CAST: variants seen among roughly 807,000 people sequenced by gnomAD.
CAST encodes MIR583 host.
CAST carries 76 observed loss-of-function variants against 119.6 expected under a neutral mutation model. The observed-to-expected ratio is 0.64, with a 90% confidence interval of 0.53 to 0.77. The LOEUF is 0.77. Among genes scored for constraint, CAST ranks in the 30% least tolerant of loss-of-function variants. The pLI, the probability that CAST is intolerant of heterozygous loss-of-function variation, is 0.00. For synonymous variants in CAST, 319 were observed against 331.6 expected (o/e 0.96, Z 0.41); for missense variants, 953 against 946.5 (o/e 1.01, Z -0.09).
chr5:96,729,601 T>C lies in CAST; in HGVS notation c.436-11T>C. The C allele has an allele frequency of 8.6e-7, 1 of 1,164,304 alleles. No individual in the cohort carries two copies. The highest frequency in any genetic ancestry group is 1.3e-6 in the Non-Finnish European group (1 of 770,072). The allele number at this position is 1,164,304 out of a possible 1,614,324, so 72.1% of individuals were successfully genotyped here. A position where few individuals can be genotyped will look rare whatever the true frequency, so the allele number is the denominator to read the frequency against. ...TTATATGTGTGTGGGCACCTGTGTGTGTACTTTCAGCCAAAAAGCCTACCC... is the reference window on the plus strand; with the variant it reads ...TTATATGTGTGTGGGCACCTGTGTGCGTACTTTCAGCCAAAAAGCCTACCC... On this transcript the variant is annotated splice_polypyrimidine_tract_variant and intron_variant, in intron 7 of 31. Coordinates refer to ENST00000675179, the MANE Select transcript of CAST (RefSeq NM_001750.7).
the CAST span, among the ~76,000 whole-genome samples, chr5:95,990,892 C>T: frequency 2.0e-5 from 3 of 152,050 alleles, no homozygotes; most frequent in Admixed American, 6.6e-5. Flanking sequence ...GTGTGAGCCA[C>T]CACACCGAGC....
chr5:96,397,368 T>C, the CAST span: 2 of 1,612,680 alleles, frequency 1.2e-6, no homozygotes, highest in South Asian at 2.2e-5. Context: ...CAAGTACCTA[T>C]AGGGTTCTCT....
the CAST span, among the ~76,000 whole-genome samples, chr5:96,077,518 C>T: frequency 6.6e-6 from 1 of 151,998 alleles, no homozygotes; most frequent in Non-Finnish European, 1.5e-5. Context: ...TTTGATCCAC[C>T]CAAACTTCAT....
At chr5:95,965,628 T>G in the CAST span, among the ~76,000 whole-genome samples, 1 of 152,216 alleles carries the variant, frequency 6.6e-6, no homozygotes, top group Non-Finnish European at 1.5e-5. Context: ...TCTTCCCCAG[T>G]GCTGCTTGCT....
At chr5:96,022,451 G>C in the CAST span, among the ~76,000 whole-genome samples, 1 of 152,210 alleles carries the variant, frequency 6.6e-6, no homozygotes, top group Admixed American at 6.5e-5. Flanking sequence ...ACCTAGTGCA[G>C]TGATCTACCA....
chr5:96,219,735 GGGAA>G, the CAST span, among the ~76,000 whole-genome samples: 1 of 150,998 alleles, frequency 6.6e-6, no homozygotes, highest in Admixed American at 6.6e-5. Context: ...AAGCAAGAAA[GGGAA>G]GGAAGGAAGG....
At chr5:96,168,504 G>A in the CAST span, among the ~76,000 whole-genome samples, 3 of 152,290 alleles carry the variant, frequency 2.0e-5, no homozygotes, top group East Asian at 5.8e-4. Flanking sequence ...CTTGAGTTGA[G>A]GCAATGAGTT....
At chr5:96,642,664 C>G (rs1358604134) in intron 1 of CAST, among the ~76,000 whole-genome samples, 3 of 151,704 alleles carry the variant, frequency 2.0e-5, no homozygotes. Flanking sequence ...GCTTCAGCCT[C>G]CCAGGTAGCT....
chr5:96,741,109 T>C, intron 13 of CAST, 157 bp from the exon 14 acceptor site: 1 of 609,458 alleles, frequency 1.6e-6, no homozygotes, highest in South Asian at 2.0e-5. Context: ...AGCCACTCTC[T>C]TCAAAACATA....
At position 96,755,860 on chromosome 5, in the gene CAST, G is replaced by C. The variant is rs1286746199; in HGVS notation, c.1710+1119G>C. ...TACATTGCTTTGCAAAGTTCCTAGA[G>C]AGCATGCTAAGGGCCACATGTTCTG... On this transcript the variant is annotated intron_variant, in intron 22 of 31. Transcript: ENST00000675179. Among the ~76,000 whole-genome samples the C allele has an allele frequency of 2.6e-5, 4 of 152,288 alleles. No homozygotes were observed. The South Asian group carries it at 8.3e-4, about 32-fold the overall frequency.
the CAST span, among the ~76,000 whole-genome samples, chr5:96,250,997 A>ATACAAAGG: frequency 1.8e-4 from 28 of 152,206 alleles, no homozygotes; most frequent in African/African-American, 6.3e-4. Flanking sequence ...AGGTACAGAG[A>ATACAAAGG]TACAAAGGTA....
chr5:96,472,840 A>G, the CAST span, among the ~76,000 whole-genome samples: 1 of 152,238 alleles, frequency 6.6e-6, no homozygotes, highest in African/African-American at 2.4e-5. Context: ...GACTTAGAAC[A>G]ATAGAAGTAT....
chr5:96,758,933 A>G (rs548426737), intron 24 of CAST, among the ~76,000 whole-genome samples: 1 of 152,300 alleles, frequency 6.6e-6, no homozygotes, highest in South Asian at 2.1e-4. Flanking sequence ...AATAGTGGGG[A>G]ACAAGATCTC....
At chr5:96,050,738 C>T in the CAST span, among the ~76,000 whole-genome samples, 3 of 152,140 alleles carry the variant, frequency 2.0e-5, no homozygotes, top group African/African-American at 4.8e-5. Context: ...GCTGGGTTTC[C>T]TGCAGTAGTG....
At chr5:96,348,902 G>T in the CAST span, among the ~76,000 whole-genome samples, 1 of 152,124 alleles carries the variant, frequency 6.6e-6, no homozygotes, top group African/African-American at 2.4e-5. Flanking sequence ...TTCCACATGG[G>T]AAGTTAGGGT....
intron 1 of CAST, among the ~76,000 whole-genome samples, chr5:96,593,965 C>A (rs1419650607): frequency 6.6e-6 from 1 of 152,240 alleles, no homozygotes; most frequent in South Asian, 2.1e-4. Flanking sequence ...CCATTCCTTA[C>A]TGCCCCATTC....
At chr5:96,087,242 T>A in the CAST span, among the ~76,000 whole-genome samples, 13 of 152,212 alleles carry the variant, frequency 8.5e-5, no homozygotes, top group African/African-American at 3.1e-4. Flanking sequence ...TCATCAGAGG[T>A]TTCATTTACA....
the CAST span, among the ~76,000 whole-genome samples, chr5:96,449,242 C>T: frequency 6.6e-6 from 1 of 152,178 alleles, no homozygotes; most frequent in Non-Finnish European, 1.5e-5. Context: ...ACTCAGTGTT[C>T]ACATCAGGGG....
the CAST span, among the ~76,000 whole-genome samples, chr5:96,478,689 G>A: frequency 3.3e-5 from 5 of 152,254 alleles, no homozygotes; most frequent in South Asian, 2.1e-4. Context: ...CTCTTGTTTC[G>A]AACATCTGAA....
Sources: allele counts gnomAD v4.1 joint callset (sites outside exome capture counted in the v4.1 genomes callset), GRCh38; gene constraint gnomAD v4.1.1; transcripts MANE v1.5; gene names NCBI Gene and HGNC (gene_info 2026-07-23, HGNC 2026-07-21).